Variants in GABRG3 observed in about 807,000 individuals in gnomAD.
GABRG3 encodes gamma-aminobutyric acid type A receptor subunit gamma3.
In GABRG3, 25 loss-of-function variants were observed where a neutral mutation model predicts 48.8. That is an observed-to-expected ratio of 0.51 (90% CI 0.37 to 0.72). The LOEUF (loss-of-function observed/expected upper bound fraction) is 0.72. Among genes scored for constraint, GABRG3 ranks in the 30% least tolerant of loss-of-function variants. GABRG3 has a pLI of 0.00. For missense variants in GABRG3, 394 were observed against 577.9 expected (o/e 0.68, Z 3.26); for synonymous variants, 227 against 217.6 (o/e 1.04, Z -0.38).
At chr15:27,051,954 C>T (rs1050309675) in intron 3 of GABRG3, among the ~76,000 whole-genome samples, 2 of 152,100 alleles carry the variant, frequency 1.3e-5, no homozygotes, top group African/African-American at 2.4e-5. Context: ...CAATAGGGTT[C>T]GTGCTCCTGT....
chr15:27,191,149 A>G (rs1472734488), intron 3 of GABRG3, among the ~76,000 whole-genome samples: 1 of 152,160 alleles, frequency 6.6e-6, no homozygotes, highest in Non-Finnish European at 1.5e-5. Flanking sequence ...ACTTCCAAGT[A>G]TGTGGTCAAT....
rs183187466 is a variant in GABRG3 at position 27,524,286 on chromosome 15, C to A, written c.866-3147C>A. 9.3e-4 allele frequency among the ~76,000 whole-genome samples: 142 copies of A among 152,132 alleles called. 1 individual carries two copies. The highest frequency in any genetic ancestry group is 7.9e-3 in the Admixed American group (120 of 15,284). On this transcript the variant is annotated intron_variant, in intron 7 of 9. Transcript: ENST00000615808. ...AGAATTCTATACCCAATGAGAGTATCATTTAAGAATAAAGGAGAAATCCAT... is the reference window on the plus strand; with the variant it reads ...AGAATTCTATACCCAATGAGAGTATAATTTAAGAATAAAGGAGAAATCCAT...
At chr15:27,291,404 C>T (rs977152744) in intron 3 of GABRG3, among the ~76,000 whole-genome samples, 8 of 152,072 alleles carry the variant, frequency 5.3e-5, no homozygotes, top group Non-Finnish European at 1.2e-4. Context: ...AATATCTGCC[C>T]TGTGCTTGGA....
intron 3 of GABRG3, among the ~76,000 whole-genome samples, chr15:27,230,516 AT>A (rs34621883): frequency 0.18 from 27,776 of 151,958 alleles, 3,559 homozygotes; most frequent in East Asian, 0.41. Flanking sequence ...TTAATTATAG[AT>A]TTTTTTCCCT....
At position 27,236,171 on chromosome 15, in the gene GABRG3, G is replaced by A. The variant is rs184550810; in HGVS notation, c.271-90638G>A. 2.6e-5 allele frequency among the ~76,000 whole-genome samples: 4 copies of A among 152,276 alleles called. No individual in the cohort carries two copies. Among genetic ancestry groups the A allele is most frequent in the East Asian group, 1.9e-4 (1 of 5,176 alleles). On this transcript the variant is annotated intron_variant, in intron 3 of 9. Transcript: ENST00000615808. The surrounding 1 kb of genome is among the most constrained non-coding windows in gnomAD (Gnocchi z 4.4). ...GACCCAGAACACTTTTCTGTAAACC[G>A]TGTCCGGCGTACATGGAAGCATCTC... is the stretch of plus-strand genomic sequence containing the variant.
intron 5 of GABRG3, among the ~76,000 whole-genome samples, chr15:27,375,483 C>G (rs897652435): frequency 2.6e-5 from 4 of 152,098 alleles, no homozygotes; most frequent in African/African-American, 4.8e-5. Flanking sequence ...GGGCATAAGG[C>G]CTGGGGCCAT....
At chr15:27,428,420 G>C (rs1595748334) in intron 5 of GABRG3, 1 of 152,208 alleles carries the variant, frequency 6.6e-6, no homozygotes, top group Non-Finnish European at 1.5e-5. Context: ...TTCTCTGTCT[G>C]AAACTATTTG....
At position 27,346,391 on chromosome 15, in the gene GABRG3, C is replaced by T. The variant is rs536926140; in HGVS notation, c.574+17503C>T. Among the ~76,000 whole-genome samples, 306 of 152,262 alleles carry T rather than the reference C, an allele frequency of 2.0e-3. 1 individual carries two copies. Among genetic ancestry groups the T allele is most frequent in the African/African-American group, 7.1e-3 (296 of 41,562 alleles). On this transcript the variant is annotated intron_variant, in intron 5 of 9. Transcript: ENST00000615808. ...TTCCTGCAGTGTGAATATGGTATGA[C>T]CAAGTGATCTTTTAATTGCATTTTA...
At chr15:27,232,175 G>A (rs1259759593) in intron 3 of GABRG3, among the ~76,000 whole-genome samples, 1 of 152,114 alleles carries the variant, frequency 6.6e-6, no homozygotes, top group Non-Finnish European at 1.5e-5. Context: ...TTATAATGGA[G>A]TAAAATTCAA....
At chr15:27,376,525 G>C (rs1456520169) in intron 5 of GABRG3, among the ~76,000 whole-genome samples, 1 of 152,200 alleles carries the variant, frequency 6.6e-6, no homozygotes, top group Non-Finnish European at 1.5e-5. Context: ...TAAAATCTAG[G>C]CAGAGGTTCC....
intron 5 of GABRG3, among the ~76,000 whole-genome samples, chr15:27,459,237 A>G (rs1889378495): frequency 1.3e-5 from 2 of 152,208 alleles, no homozygotes; most frequent in African/African-American, 2.4e-5. Context: ...GGTCCCATAC[A>G]GTAGAGTCTT....
chr15:27,265,537 C>G (rs1890890721), intron 3 of GABRG3, among the ~76,000 whole-genome samples: 2 of 152,292 alleles, frequency 1.3e-5, no homozygotes, highest in South Asian at 4.2e-4. Flanking sequence ...AACCCAGGTT[C>G]CCTGGGCTTC....
At chr15:27,099,109 G>A (rs1897313692) in intron 3 of GABRG3, among the ~76,000 whole-genome samples, 1 of 151,754 alleles carries the variant, frequency 6.6e-6, no homozygotes, top group African/African-American at 2.4e-5. Flanking sequence ...TGAATGAGAT[G>A]TTGTAATTAT....
At chr15:27,030,046 A>G (rs1238984888) in intron 3 of GABRG3, among the ~76,000 whole-genome samples, 1 of 152,196 alleles carries the variant, frequency 6.6e-6, no homozygotes, top group African/African-American at 2.4e-5. Flanking sequence ...TAGAGAACTG[A>G]CGGTGTAGGT....
chr15:27,318,550 T>C (rs945473853), intron 3 of GABRG3, among the ~76,000 whole-genome samples: 14 of 152,144 alleles, frequency 9.2e-5, no homozygotes, highest in Non-Finnish European at 1.8e-4. Flanking sequence ...AGTCAGAAAT[T>C]CCAGCCCATC....
In GABRG3 at chr15:27,330,879, A is replaced by G. The variant is rs564408786; in HGVS notation, c.574+1991A>G. On this transcript the variant is annotated intron_variant, in intron 5 of 9. Transcript: ENST00000615808. ...TGGTAGTGATGGGTGGTCAGAGTGAATGTAGGAGCCAGGGGGTGGACAGTC... is the reference window on the plus strand; with the variant it reads ...TGGTAGTGATGGGTGGTCAGAGTGAGTGTAGGAGCCAGGGGGTGGACAGTC... 6.6e-5 allele frequency among the ~76,000 whole-genome samples: 10 copies of G among 152,264 alleles called. No homozygotes were observed. In the South Asian group the frequency reaches 1.7e-3, roughly 25 times the overall value.
chr15:27,331,730 A>C (rs1378424598), intron 5 of GABRG3, among the ~76,000 whole-genome samples: 1 of 152,202 alleles, frequency 6.6e-6, no homozygotes, highest in Admixed American at 6.5e-5. Flanking sequence ...TGATGTGTCA[A>C]CCTAGGTTCA....
chr15:27,367,188 C>T (rs780943031), intron 5 of GABRG3, among the ~76,000 whole-genome samples: 1 of 152,146 alleles, frequency 6.6e-6, no homozygotes. Flanking sequence ...TGCTCACTAC[C>T]TCCCTCCCCC....
At chr15:27,229,316 A>G in intron 3 of GABRG3, among the ~76,000 whole-genome samples, 1 of 152,018 alleles carries the variant, frequency 6.6e-6, no homozygotes, top group South Asian at 2.1e-4. Context: ...TATCCCAGTT[A>G]TATCATTTAT....
Sources: gnomAD v4.1 joint callset for allele counts (sites outside exome capture counted in the v4.1 genomes callset) on GRCh38, gnomAD v4.1.1 for gene constraint, Gnocchi (gnomAD v3.1) non-coding constraint, MANE v1.5 for transcripts, NCBI Gene and HGNC (gene_info 2026-07-23, HGNC 2026-07-21) for gene names.